EFNB2: variants seen among roughly 807,000 people sequenced by gnomAD.
The protein encoded by EFNB2 is ephrin B2, also known as ephrin-B2.
In EFNB2, 5 loss-of-function variants were observed where a neutral mutation model predicts 32.1. The observed-to-expected ratio is 0.16, with a 90% CI of 0.08 to 0.33. The LOEUF (loss-of-function observed/expected upper bound fraction) is 0.33, where lower values mean the gene tolerates loss of function less well. EFNB2 is among the 10% of genes least tolerant of loss of function. The pLI is 1.00. For synonymous variants in EFNB2, 168 were observed against 166.5 expected (o/e 1.01, Z -0.07); for missense variants, 263 against 422.6 (o/e 0.62, Z 3.31).
In EFNB2 at chr13:106,493,109, G is replaced by A. The variant is rs772248894; in HGVS notation, c.933C>T (p.Tyr311=). The A allele has an allele frequency of 4.7e-5, 76 of 1,613,854 alleles. No individual in the cohort carries two copies. The highest frequency in any genetic ancestry group is 5.5e-5 in the Non-Finnish European group (65 of 1,180,048). The change falls in exon 5 of 5, where the codon TAC becomes TAT. Residue 311 remains tyrosine (Y), a synonymous_variant. Transcript: ENST00000646441. This position sits in a 1 kb window ranked among gnomAD's most constrained non-coding sequence, Gnocchi z 6.1. ...CCTGGACGATGTACACCGGGTGCCC[G>A]TAGTCCCCGCTGACCTTCTCGTAGT... The part of the protein sequence containing the change: ...CPHYEKVSGD[Y]GHPVYIVQEM...
chr13:106,533,102 G>GAAAAA (rs61297084), intron 1 of EFNB2, among the ~76,000 whole-genome samples: 1 of 147,444 alleles, frequency 6.8e-6, no homozygotes, highest in African/African-American at 2.5e-5. Context: ...ATCCTCATAA[G>GAAAAA]AAAAAAAAAA....
At chr13:106,534,648 T>C (rs1238328863) in intron 1 of EFNB2, among the ~76,000 whole-genome samples, 195 bp downstream of exon 1, 1 of 143,580 alleles carries the variant, frequency 7.0e-6, no homozygotes, top group Non-Finnish European at 1.5e-5. Context: ...GACCGTCCGT[T>C]CCAGCGGGGC....
intron 3 of EFNB2, among the ~76,000 whole-genome samples, chr13:106,495,280 CTACTA>C (rs1566454428): frequency 6.6e-6 from 1 of 152,188 alleles, no homozygotes; most frequent in Non-Finnish European, 1.5e-5. Flanking sequence ...AGTTGATTGA[CTACTA>C]TACCAATTTT....
chr13:106,510,961 T>C (rs978296056), intron 2 of EFNB2, among the ~76,000 whole-genome samples: 1 of 152,080 alleles, frequency 6.6e-6, no homozygotes, highest in Non-Finnish European at 1.5e-5. Context: ...ATCACGCCAC[T>C]GCACTCCAGC....
intron 1 of EFNB2, among the ~76,000 whole-genome samples, chr13:106,514,614 T>C (rs1405934792): frequency 6.6e-6 from 1 of 152,206 alleles, no homozygotes; most frequent in Admixed American, 6.5e-5. Flanking sequence ...CTTCCTGACA[T>C]TTCCTTTTTC....
intron 1 of EFNB2, among the ~76,000 whole-genome samples, chr13:106,529,332 C>G (rs900019653): frequency 6.6e-6 from 1 of 152,186 alleles, no homozygotes; most frequent in African/African-American, 2.4e-5. Context: ...TCCTACAGAA[C>G]GGCTGCTGCT....
At chr13:106,496,258 G>A (rs546168547) in intron 2 of EFNB2, among the ~76,000 whole-genome samples, 4 of 152,180 alleles carry the variant, frequency 2.6e-5, no homozygotes, top group African/African-American at 4.8e-5. Flanking sequence ...CTCCACTGCA[G>A]ATTTCCTGCT....
At chr13:106,534,344 C>A (rs934932547) in intron 1 of EFNB2, among the ~76,000 whole-genome samples, 4 of 152,164 alleles carry the variant, frequency 2.6e-5, no homozygotes, top group African/African-American at 4.8e-5. Flanking sequence ...GGCAGCGTAG[C>A]GACTCCAGGC....
At chr13:106,497,137 C>T (rs1878616222) in intron 2 of EFNB2, among the ~76,000 whole-genome samples, 1 of 152,082 alleles carries the variant, frequency 6.6e-6, no homozygotes. Flanking sequence ...ATATGCATTC[C>T]ACTGAAATTA....
Position 106,506,614 on chromosome 13 carries a change from T to C in EFNB2, c.406+5915A>G, listed in dbSNP as rs538837807. 12 of 152,314 alleles carry C rather than the reference T, an allele frequency of 7.9e-5. No homozygotes were observed. The South Asian group carries it at 8.3e-4, about 11-fold the overall frequency. The allele number at this position is 152,314 out of a possible 1,614,324, so 9.4% of individuals were successfully genotyped here. A position where few individuals can be genotyped will look rare whatever the true frequency, so the allele number is the denominator to read the frequency against. Reference sequence around the variant, plus strand: ...AACGTGTAAACTCTCTGGAGTTCCATTTTATGGATGGACTTCAAATCAGCC... The same window carrying C: ...AACGTGTAAACTCTCTGGAGTTCCACTTTATGGATGGACTTCAAATCAGCC... On this transcript the variant is annotated intron_variant, in intron 2 of 4. Coordinates refer to ENST00000646441, the MANE Select transcript of EFNB2 (RefSeq NM_004093.4).
At chr13:106,526,843 A>G (rs1210009817) in intron 1 of EFNB2, among the ~76,000 whole-genome samples, 1 of 152,146 alleles carries the variant, frequency 6.6e-6, no homozygotes, top group Non-Finnish European at 1.5e-5. Flanking sequence ...ATCAGCTATA[A>G]CCCTAGGCTG....
chr13:106,500,933 A>G (rs1462090409), intron 2 of EFNB2, among the ~76,000 whole-genome samples: 3 of 152,228 alleles, frequency 2.0e-5, no homozygotes, highest in African/African-American at 7.2e-5. Flanking sequence ...ACCAAACTGT[A>G]TTACTGTTTT....
intron 2 of EFNB2, among the ~76,000 whole-genome samples, chr13:106,503,530 C>T (rs891752760): frequency 6.6e-6 from 1 of 152,058 alleles, no homozygotes; most frequent in Non-Finnish European, 1.5e-5. Flanking sequence ...GAACATGGGC[C>T]GTACAGGGAC....
chr13:106,525,520 G>A (rs889117785), intron 1 of EFNB2, among the ~76,000 whole-genome samples: 4 of 152,230 alleles, frequency 2.6e-5, no homozygotes, highest in African/African-American at 4.8e-5. Context: ...ACAGGTGGAC[G>A]TGATAGACAC....
At chr13:106,522,637 T>C (rs1319405972) in intron 1 of EFNB2, among the ~76,000 whole-genome samples, 1 of 152,166 alleles carries the variant, frequency 6.6e-6, no homozygotes, top group Non-Finnish European at 1.5e-5. Context: ...AGGGAGAGCA[T>C]ATCTTTTGTT....
chr13:106,508,776 CAAAT>C (rs1320732525), intron 2 of EFNB2, among the ~76,000 whole-genome samples: 1 of 152,186 alleles, frequency 6.6e-6, no homozygotes, highest in Non-Finnish European at 1.5e-5. Flanking sequence ...AGTTAAAAAA[CAAAT>C]AACCATCTAT....
chr13:106,524,557 G>T (rs1879637565), intron 1 of EFNB2, among the ~76,000 whole-genome samples: 1 of 152,200 alleles, frequency 6.6e-6, no homozygotes, highest in South Asian at 2.1e-4. Context: ...GGCACATAGT[G>T]AGTGCTATAC....
intron 2 of EFNB2, among the ~76,000 whole-genome samples, chr13:106,496,520 C>G (rs1284619498): frequency 6.6e-6 from 1 of 152,222 alleles, no homozygotes; most frequent in East Asian, 1.9e-4. Context: ...CGGGAAAACT[C>G]TGGCTGAATA....
intron 1 of EFNB2, chr13:106,516,487 A>C (rs971028587): frequency 6.6e-6 from 1 of 152,284 alleles, no homozygotes; most frequent in African/African-American, 2.4e-5. Flanking sequence ...CACACAAAAC[A>C]GGTGAAGACA....
Sources: gnomAD v4.1 joint callset for allele counts (sites outside exome capture counted in the v4.1 genomes callset) on GRCh38, gnomAD v4.1.1 for gene constraint, Gnocchi (gnomAD v3.1) non-coding constraint, MANE v1.5 for transcripts, NCBI Gene and HGNC (gene_info 2026-07-23, HGNC 2026-07-21) for gene names.